ITK: variants seen among roughly 807,000 people sequenced by gnomAD.
ITK encodes the protein IL2 inducible T cell kinase, also known as tyrosine-protein kinase ITK/TSK.
A neutral mutation model predicts 87.6 loss-of-function variants in ITK; 45 were observed. The observed-to-expected ratio is 0.51, with a 90% CI of 0.40 to 0.66. The LOEUF is 0.66. Ranked by LOEUF, ITK falls within the 30% of genes least tolerant of loss-of-function variation. The pLI, the probability that ITK is intolerant of heterozygous loss-of-function variation, is 0.00. For synonymous variants in ITK, 303 were observed against 273.6 expected (o/e 1.11, Z -1.06); for missense variants, 605 against 766.3 (o/e 0.79, Z 2.48).
At chr5:157,211,826 C>T (rs30133) in intron 3 of ITK, among the ~76,000 whole-genome samples, 33,368 of 152,072 alleles carry the variant, frequency 0.22, 4,358 homozygotes, top group Admixed American at 0.29. Flanking sequence ...TCCTTAATTG[C>T]CTGTGCTTCA....
intron 1 of ITK, chr5:157,199,102 T>C (rs1753909813): frequency 6.6e-6 from 1 of 152,166 alleles, no homozygotes; most frequent in Non-Finnish European, 1.5e-5. Flanking sequence ...AAAATTCTCT[T>C]AATTAACTTA....
At position 157,222,976 on chromosome 5, in the gene ITK, T is replaced by C; in HGVS notation, c.609T>C (p.Ser203=). 3 of 1,614,092 alleles carry C rather than the reference T, an allele frequency of 1.9e-6. No homozygotes were observed. Among genetic ancestry groups the C allele is most frequent in the Non-Finnish European group, 1.7e-6 (2 of 1,180,004 alleles). ...ACGAAGAGTACTGCCTGCTGGACAG[T>C]TCTGAGATTCACTGGTGGAGAGTCC... ...RRNEEYCLLD[S]SEIHWWRVQD... The change falls in exon 6 of 17, where the codon AGT becomes AGC. Residue 203 remains serine, a synonymous_variant. Transcript: ENST00000422843.
intron 9 of ITK, 92 bp from the exon 10 acceptor site, chr5:157,239,970 A>C: frequency 7.8e-7 from 1 of 1,277,590 alleles, no homozygotes; most frequent in South Asian, 1.2e-5. Context: ...AGGTTATAAG[A>C]CAAAGATAAT....
At chr5:157,185,565 G>A (rs1374764420) in intron 1 of ITK, among the ~76,000 whole-genome samples, 1 of 151,924 alleles carries the variant, frequency 6.6e-6, no homozygotes, top group Non-Finnish European at 1.5e-5. Flanking sequence ...ATTAAGCAAG[G>A]CCAGACACAG....
At chr5:157,207,377 CTTTTTTTTTTTTTTTT>C (rs536290068) in intron 1 of ITK, among the ~76,000 whole-genome samples, 2 of 59,126 alleles carry the variant, frequency 3.4e-5, no homozygotes, top group African/African-American at 1.3e-4. Context: ...AGATACGTCT[CTTTTTTTTTTTTTTTT>C]TTTTTTTTTT....
intron 1 of ITK, among the ~76,000 whole-genome samples, chr5:157,207,599 CG>C (rs1561652190): frequency 6.6e-6 from 1 of 151,842 alleles, no homozygotes; most frequent in East Asian, 1.9e-4. Flanking sequence ...CAGGCTGTCT[CG>C]AACTCCTGAT....
chr5:157,230,697 T>C (rs1754633270), intron 7 of ITK, among the ~76,000 whole-genome samples: 1 of 152,256 alleles, frequency 6.6e-6, no homozygotes, highest in South Asian at 2.1e-4. Context: ...AAATGACCAC[T>C]AGGCTATGTA....
chr5:157,200,858 A>G (rs1211121670), intron 1 of ITK, among the ~76,000 whole-genome samples: 1 of 152,198 alleles, frequency 6.6e-6, no homozygotes, highest in Non-Finnish European at 1.5e-5. Context: ...AACCACTAGC[A>G]CCTGAAGTCT....
chr5:157,241,611 C>A (rs759782666), intron 10 of ITK, 35 bp from the exon 11 acceptor site: 1 of 1,514,504 alleles, frequency 6.6e-7, no homozygotes. Context: ...GAGCAAAGCC[C>A]TAACCACTGC....
rs1292927474 is a variant in ITK, at chr5:157,186,846, A to AC, written c.138+5735dup. Among the ~76,000 whole-genome samples the AC allele has an allele frequency of 7.9e-5, 12 of 152,134 alleles. No homozygotes were observed. The South Asian group carries it at 2.5e-3, about 32-fold the overall frequency. On this transcript the variant is annotated intron_variant, in intron 1 of 16. Transcript: ENST00000422843. ...CTCATGTTGTCCCTGCACCCGCTTC[A>AC]CCCCTGCCTGCCACTTCATCCTCCA...
intron 10 of ITK, chr5:157,240,853 C>T (rs1754877722): frequency 1.3e-5 from 2 of 153,098 alleles, no homozygotes. Flanking sequence ...CCTAATGACC[C>T]AAACACCACC....
intron 1 of ITK, among the ~76,000 whole-genome samples, chr5:157,188,653 T>G (rs1013891653): frequency 6.6e-6 from 1 of 152,198 alleles, no homozygotes; most frequent in Non-Finnish European, 1.5e-5. Flanking sequence ...AACATGGTCT[T>G]GCTCTGTTAC....
rs957012829 is a variant in ITK at position 157,205,548 on chromosome 5, T to C, written c.139-3341T>C. 7.9e-5 allele frequency among the ~76,000 whole-genome samples: 12 copies of C among 152,350 alleles called. No individual in the cohort carries two copies. The East Asian group carries it at 2.3e-3, about 29-fold the overall frequency. On this transcript the variant is annotated intron_variant, in intron 1 of 16. Transcript: ENST00000422843. ...TATGAAGACATGACGAAATGCTTCA[T>C]AGGCCACCTTGTGCAATAAAATAGG...
intron 4 of ITK, 152 bp downstream of exon 4, chr5:157,214,471 C>T (rs1754256565): frequency 5.7e-6 from 4 of 703,098 alleles, no homozygotes; most frequent in Non-Finnish European, 7.5e-6. Flanking sequence ...TTCCTACCAG[C>T]CTGTTGGTGC....
chr5:157,208,820 T>C (rs1326610573), intron 1 of ITK, 69 bp from the exon 2 acceptor site: 9 of 1,082,006 alleles, frequency 8.3e-6, no homozygotes, highest in African/African-American at 1.6e-5. Flanking sequence ...GCAGTAGATT[T>C]CTGGAGCAAT....
intron 5 of ITK, among the ~76,000 whole-genome samples, chr5:157,219,920 C>T (rs1754380038): frequency 6.6e-6 from 1 of 152,236 alleles, no homozygotes. Context: ...TTTCAGCCTT[C>T]TTGGAGGAGC....
chr5:157,230,846 G>A (rs1325705811), intron 7 of ITK, among the ~76,000 whole-genome samples: 4 of 152,008 alleles, frequency 2.6e-5, no homozygotes, highest in African/African-American at 9.7e-5. Context: ...CCCACCTAAA[G>A]GTATTTTAAG....
chr5:157,197,026 A>G (rs1266667414), intron 1 of ITK, among the ~76,000 whole-genome samples: 2 of 152,174 alleles, frequency 1.3e-5, no homozygotes, highest in Non-Finnish European at 2.9e-5. Flanking sequence ...CCCTTTTGTA[A>G]GAAAATCTAA....
chr5:157,191,154 T>G (rs1215186558), intron 1 of ITK, among the ~76,000 whole-genome samples: 1 of 152,130 alleles, frequency 6.6e-6, no homozygotes, highest in Non-Finnish European at 1.5e-5. Flanking sequence ...ATTTTTTTAT[T>G]TTTGAGACGG....
Sources: allele counts gnomAD v4.1 joint callset (sites outside exome capture counted in the v4.1 genomes callset), GRCh38; gene constraint gnomAD v4.1.1; transcripts MANE v1.5; gene names NCBI Gene and HGNC (gene_info 2026-07-23, HGNC 2026-07-21).